AGMO: variants seen among roughly 807,000 people sequenced by gnomAD.
The protein encoded by AGMO is glyceryl-ether monooxygenase.
AGMO carries 75 observed loss-of-function variants against 60.2 expected under a neutral mutation model. That is an observed-to-expected ratio of 1.25 (90% confidence interval 1.03 to 1.51). The LOEUF is 1.51. AGMO is among the 40% of genes most tolerant of loss of function. AGMO has a pLI of 0.00. For synonymous variants in AGMO, 261 were observed against 177.1 expected (o/e 1.47, Z -3.76); for missense variants, 763 against 525.5 (o/e 1.45, Z -4.42).
rs1334794084 is a variant in AGMO at position 15,267,897 on chromosome 7, G to T, written c.1264-66538C>A. 2.0e-5 allele frequency among the ~76,000 whole-genome samples: 3 copies of T among 151,888 alleles called. No homozygotes were observed. In the East Asian group the frequency reaches 5.8e-4, roughly 29 times the overall value. On this transcript the variant is annotated intron_variant, in intron 12 of 12. Transcript: ENST00000342526. ...GCAAAGCAATTTATAACAACTCCGA[G>T]TAATGCCAGAGAAAATGTTATGTAC...
At chr7:15,300,284 T>A (rs1370932870) in intron 12 of AGMO, among the ~76,000 whole-genome samples, 2 of 147,504 alleles carry the variant, frequency 1.4e-5, no homozygotes, top group Non-Finnish European at 3.0e-5. Flanking sequence ...CTACTAAAGT[T>A]CACAATAGCA....
the AGMO span, among the ~76,000 whole-genome samples, chr7:15,155,116 T>C: frequency 6.6e-6 from 1 of 152,132 alleles, no homozygotes; most frequent in Non-Finnish European, 1.5e-5. Flanking sequence ...AAAGGTTCCC[T>C]GAATTTCCTG....
chr7:15,383,833 T>TC (rs1446252946), intron 10 of AGMO, among the ~76,000 whole-genome samples: 1 of 152,230 alleles, frequency 6.6e-6, no homozygotes, highest in East Asian at 1.9e-4. Context: ...TTAGGCTTTT[T>TC]CAGAGTTCTT....
chr7:15,244,266 G>A (rs1430999553), intron 12 of AGMO, among the ~76,000 whole-genome samples: 1 of 152,110 alleles, frequency 6.6e-6, no homozygotes, highest in African/African-American at 2.4e-5. Flanking sequence ...TTTAGAACCA[G>A]GTGATGATCT....
intron 5 of AGMO, among the ~76,000 whole-genome samples, chr7:15,416,772 A>C (rs192846301): frequency 3.8e-4 from 58 of 152,302 alleles, no homozygotes; most frequent in African/African-American, 1.4e-3. Context: ...ACATAAAGTG[A>C]GTATCTTTCT....
chr7:15,304,665 C>T (rs1333009609), intron 12 of AGMO, among the ~76,000 whole-genome samples: 6 of 151,974 alleles, frequency 3.9e-5, no homozygotes. Flanking sequence ...CTTTATAGGG[C>T]CATGATTTGT....
At chr7:15,341,292 G>C (rs555981461) in intron 12 of AGMO, among the ~76,000 whole-genome samples, 4 of 152,204 alleles carry the variant, frequency 2.6e-5, no homozygotes, top group East Asian at 3.9e-4. Flanking sequence ...TTGCTACTTA[G>C]AAATTTCTCC....
At chr7:15,405,222 T>A (rs955179074) in intron 5 of AGMO, among the ~76,000 whole-genome samples, 1 of 151,856 alleles carries the variant, frequency 6.6e-6, no homozygotes, top group African/African-American at 2.4e-5. Flanking sequence ...CTCCTGACAA[T>A]AAACAAACAT....
chr7:15,450,065 C>G (rs1274877575), intron 3 of AGMO, among the ~76,000 whole-genome samples: 1 of 152,134 alleles, frequency 6.6e-6, no homozygotes, highest in African/African-American at 2.4e-5. Context: ...ATTTAAAACC[C>G]TTAGTAAATT....
At chr7:15,221,509 G>A (rs188229565) in intron 12 of AGMO, among the ~76,000 whole-genome samples, 9 of 152,070 alleles carry the variant, frequency 5.9e-5, no homozygotes, top group South Asian at 2.1e-4. Context: ...GACTATAGAC[G>A]TAATCCCCTT....
intron 12 of AGMO, among the ~76,000 whole-genome samples, chr7:15,212,220 A>G (rs958230936): frequency 1.3e-5 from 2 of 149,358 alleles, no homozygotes; most frequent in Non-Finnish European, 3.0e-5. Context: ...CTATCCATTC[A>G]CTATTTATTT....
intron 3 of AGMO, among the ~76,000 whole-genome samples, chr7:15,511,755 T>G (rs1465854107): frequency 6.6e-6 from 1 of 152,198 alleles, no homozygotes; most frequent in Non-Finnish European, 1.5e-5. Context: ...ATATATAGTT[T>G]TATTTGTCAA....
chr7:15,494,135 A>G (rs1408708483), intron 3 of AGMO, among the ~76,000 whole-genome samples: 1 of 152,162 alleles, frequency 6.6e-6, no homozygotes, highest in Non-Finnish European at 1.5e-5. Context: ...GGCATAGTAT[A>G]CTACACCTAA....
At chr7:15,363,217 C>T (rs1583459364) in intron 12 of AGMO, among the ~76,000 whole-genome samples, 1 of 152,144 alleles carries the variant, frequency 6.6e-6, no homozygotes, top group Non-Finnish European at 1.5e-5. Context: ...CTGACTTTTC[C>T]TTCAACATTG....
intron 3 of AGMO, among the ~76,000 whole-genome samples, chr7:15,532,711 CTGGGTGCGG>C (rs112283775): frequency 0.73 from 110,582 of 151,442 alleles, 41,081 homozygotes; most frequent in East Asian, 0.96. Context: ...TCTTCCTAGG[CTGGGTGCGG>C]TGGTTCATGC....
chr7:15,310,984 T>G (rs945187505), intron 12 of AGMO, among the ~76,000 whole-genome samples: 3 of 152,126 alleles, frequency 2.0e-5, no homozygotes, highest in African/African-American at 4.8e-5. Context: ...CTTCCATTTC[T>G]AAAAACACTT....
the AGMO span, among the ~76,000 whole-genome samples, chr7:15,190,073 CCATATATATATATATATATATTTATATA>C: frequency 1.1e-4 from 13 of 121,344 alleles, no homozygotes; most frequent in African/African-American, 2.3e-4. Context: ...TTTTTAAGTG[CCATATATATATATATATATATTTATATA>C]TATATATATA....
intron 12 of AGMO, among the ~76,000 whole-genome samples, chr7:15,312,872 T>G (rs1780808030): frequency 6.6e-6 from 1 of 152,088 alleles, no homozygotes; most frequent in South Asian, 2.1e-4. Flanking sequence ...TTTTGCCATG[T>G]TGCCCAGGAT....
chr7:15,333,351 G>C (rs192319965), intron 12 of AGMO, among the ~76,000 whole-genome samples: 1 of 152,188 alleles, frequency 6.6e-6, no homozygotes, highest in East Asian at 1.9e-4. Flanking sequence ...TTGGGAAAAT[G>C]TTTTTCTGGT....
Sources: gnomAD v4.1 joint callset for allele counts (sites outside exome capture counted in the v4.1 genomes callset) on GRCh38, gnomAD v4.1.1 for gene constraint, MANE v1.5 for transcripts, NCBI Gene and HGNC (gene_info 2026-07-23, HGNC 2026-07-21) for gene names.